The following TIAM2 variants were observed in gnomAD, a reference collection of about 807,000 sequenced individuals.
TIAM2 encodes rho guanine nucleotide exchange factor TIAM2.
Under a neutral mutation model 152.9 loss-of-function variants are expected in TIAM2, and 80 were observed. That is an observed-to-expected ratio of 0.52 (90% CI 0.44 to 0.63). The LOEUF is 0.63. Among genes scored for constraint, TIAM2 ranks in the 30% least tolerant of loss-of-function variants. TIAM2 has a pLI of 0.00. For synonymous variants in TIAM2, 804 were observed against 838.0 expected (o/e 0.96, Z 0.70); for missense variants, 1,965 against 2,120.1 (o/e 0.93, Z 1.44).
At chr6:155,122,381 G>A (rs1014223751) in intron 2 of TIAM2, among the ~76,000 whole-genome samples, 3 of 144,930 alleles carry the variant, frequency 2.1e-5, no homozygotes, top group African/African-American at 5.2e-5. Context: ...TTGGGGATTG[G>A]GAGGGAATGC....
At chr6:155,118,651 T>C (rs1026381599) in intron 2 of TIAM2, among the ~76,000 whole-genome samples, 2 of 152,042 alleles carry the variant, frequency 1.3e-5, no homozygotes, top group African/African-American at 4.8e-5. Flanking sequence ...GCCAGGCTGG[T>C]CTCAAACTCC....
rs1044854565 is a variant in TIAM2, at chr6:155,236,294, G to C, written c.3169-4236G>C. On this transcript the variant is annotated intron_variant, in intron 15 of 26. Coordinates refer to ENST00000682666, the MANE Select transcript of TIAM2 (RefSeq NM_012454.4). ...ACTCCCAGAAATCCAAGCAGAACGC[G>C]AGCTGTATGAAGAGTAGACCAGCAG... Among the ~76,000 whole-genome samples the C allele has an allele frequency of 4.6e-5, 7 of 151,832 alleles. No homozygotes were observed. In the South Asian group the frequency reaches 8.3e-4, roughly 18 times the overall value.
chr6:155,059,801 T>A (rs1244574878), intron 1 of TIAM2, among the ~76,000 whole-genome samples: 33 of 152,294 alleles, frequency 2.2e-4, no homozygotes, highest in South Asian at 4.1e-4. Flanking sequence ...GTGTCAGCCA[T>A]AGTCAAGTCA....
chr6:155,244,866 G>A, intron 18 of TIAM2, 83 bp downstream of exon 18: 1 of 1,449,960 alleles, frequency 6.9e-7, no homozygotes. Context: ...TCATGAGAAA[G>A]AATTTCTTGT....
chr6:155,043,633 CAAAAAAAAAAA>C (rs60093259), intron 1 of TIAM2, among the ~76,000 whole-genome samples: 2 of 50,250 alleles, frequency 4.0e-5, no homozygotes, highest in Admixed American at 2.3e-4. Flanking sequence ...GACCCTGTCT[CAAAAAAAAAAA>C]AAAAAAAAAA....
chr6:155,226,082 T>G (rs764862918), intron 15 of TIAM2, among the ~76,000 whole-genome samples: 9 of 152,184 alleles, frequency 5.9e-5, no homozygotes, highest in Non-Finnish European at 1.3e-4. Flanking sequence ...AAGCCAATAT[T>G]AGAAGAGAAA....
At chr6:155,169,634 G>A (rs1238899892) in intron 9 of TIAM2, among the ~76,000 whole-genome samples, 1 of 152,128 alleles carries the variant, frequency 6.6e-6, no homozygotes, top group East Asian at 1.9e-4. Flanking sequence ...TCCAGGCGCC[G>A]TCAAGGGGAG....
intron 14 of TIAM2, among the ~76,000 whole-genome samples, chr6:155,185,065 A>G (rs1781002893): frequency 6.6e-6 from 1 of 150,708 alleles, no homozygotes; most frequent in Non-Finnish European, 1.5e-5. Flanking sequence ...AGGCTATAAT[A>G]CTTTTGGTAC....
At chr6:155,250,507 G>A in intron 21 of TIAM2, 1 of 1,525,692 alleles carries the variant, frequency 6.6e-7, no homozygotes, top group Non-Finnish European at 8.8e-7. Flanking sequence ...CTTCACTCTG[G>A]CCAGTTTCAA....
In TIAM2 at chr6:155,245,758, T is replaced by TTG. The variant is rs570299418; in HGVS notation, c.3652+28_3652+29insGT. ...TAAGTTGCTTATGCCTTTTATAGTT[T>TTG]TTTTTTTTTTTTGCATTTTTAACTG... On this transcript the variant is annotated intron_variant, in intron 19 of 26. Transcript: ENST00000682666. 311 of 1,430,334 alleles carry TTG rather than the reference T, an allele frequency of 2.2e-4. 2 individuals carry two copies. In the African/African-American group the frequency reaches 3.7e-3, roughly 17 times the overall value. The allele number at this position is 1,430,334 out of a possible 1,614,324, so 88.6% of individuals were successfully genotyped here.
At chr6:155,011,117 A>T (rs1400818517) in intron 1 of TIAM2, among the ~76,000 whole-genome samples, 3 of 152,094 alleles carry the variant, frequency 2.0e-5, no homozygotes, top group East Asian at 1.9e-4. Flanking sequence ...CCTCTGTAAC[A>T]TGGAATGACC....
At chr6:155,102,215 C>G (rs560586371) in intron 2 of TIAM2, among the ~76,000 whole-genome samples, 1 of 152,058 alleles carries the variant, frequency 6.6e-6, no homozygotes, top group African/African-American at 2.4e-5. Flanking sequence ...GTCTTGGACT[C>G]CTGACCTCAA....
Position 155,212,188 on chromosome 6 carries a change from C to T in TIAM2, c.3168+881C>T, listed in dbSNP as rs143820246. Among the ~76,000 whole-genome samples, 9 of 152,246 alleles carry T rather than the reference C, an allele frequency of 5.9e-5. 1 individual carries two copies. In the East Asian group the frequency reaches 7.7e-4, roughly 13 times the overall value. On this transcript the variant is annotated intron_variant, in intron 15 of 26. Transcript: ENST00000682666. The stretch of plus-strand genomic sequence containing the variant: ...TGAATGTTGGTGTAAGAGTTATCTG[C>T]GTGAATCCTTGTTTTCAGGCCAAGG...
At chr6:155,117,620 T>A (rs183136642) in intron 2 of TIAM2, among the ~76,000 whole-genome samples, 1 of 152,302 alleles carries the variant, frequency 6.6e-6, no homozygotes, top group African/African-American at 2.4e-5. Flanking sequence ...TTTTTGTATT[T>A]ATAGTAAAGG....
chr6:155,071,856 A>G (rs544513766), intron 1 of TIAM2, among the ~76,000 whole-genome samples: 1 of 151,488 alleles, frequency 6.6e-6, no homozygotes, highest in South Asian at 2.1e-4. Flanking sequence ...AGATCGCGTC[A>G]CTGCACTCCA....
intron 1 of TIAM2, among the ~76,000 whole-genome samples, chr6:155,029,188 TATACACTGTATGTACTATGTGTTA>T (rs1776730649): frequency 1.9e-5 from 1 of 52,596 alleles, no homozygotes; most frequent in Non-Finnish European, 4.1e-5. Context: ...CTATGTGTTA[TATACACTGTATGTACTATGTGTTA>T]TATACACTAT....
At position 155,171,081 on chromosome 6, in the gene TIAM2, A is replaced by G. The variant is rs548770985; in HGVS notation, c.2361+5672A>G. On this transcript the variant is annotated intron_variant, in intron 9 of 26. Transcript: ENST00000682666. ...GAATACTTGTAACCTGCACAAACCT[A>G]TTTTTATACAATAAGTACATTACGC... Among the ~76,000 whole-genome samples, 295 of 152,294 alleles carry G rather than the reference A, an allele frequency of 1.9e-3. 1 individual carries two copies. The highest frequency in any genetic ancestry group is 6.8e-3 in the African/African-American group (282 of 41,556).
rs376274690 is a variant in TIAM2 at position 155,250,972 on chromosome 6, A to G, written c.4011A>G (p.Pro1337=). 1.1e-5 allele frequency: 18 copies of G among 1,614,012 alleles called. No homozygotes were observed. Among genetic ancestry groups the G allele is most frequent in the Non-Finnish European group, 1.4e-5 (17 of 1,180,020 alleles). Residue 1337 remains proline, a synonymous_variant, in exon 22 of 27, where the codon CCA becomes CCG. Transcript: ENST00000682666. The part of the protein sequence containing the change: ...LMHSTVSWLN[P]FLSLGKARKD... ...ACTCTACGGTTTCCTGGTTGAATCCATTTCTGTCTCTAGGAAAAGCTAGAA... is the reference window on the plus strand; with the variant it reads ...ACTCTACGGTTTCCTGGTTGAATCCGTTTCTGTCTCTAGGAAAAGCTAGAA...
At position 155,129,415 on chromosome 6, in the gene TIAM2, C is replaced by T. The variant is rs1379332040; in HGVS notation, c.192C>T (p.Cys64=). The change falls in exon 4 of 27, where the codon TGC becomes TGT. Residue 64 remains cysteine (C), a synonymous_variant. Coordinates refer to ENST00000682666, the MANE Select transcript of TIAM2 (RefSeq NM_012454.4). This position sits in a 1 kb window ranked among gnomAD's most constrained non-coding sequence, Gnocchi z 4.8. The part of the protein sequence containing the change: ...GYKSRSLARS[C]LSHFKSNQPY... ...AGTCCAGGTCCCTGGCCCGAAGCTGCCTTTCTCACTTTAAGAGTAACCAGC... is the reference window on the plus strand; with the variant it reads ...AGTCCAGGTCCCTGGCCCGAAGCTGTCTTTCTCACTTTAAGAGTAACCAGC... 1 of 1,614,144 alleles carries T rather than the reference C, an allele frequency of 6.2e-7. No individual in the cohort carries two copies.
Sources: allele counts gnomAD v4.1 joint callset (sites outside exome capture counted in the v4.1 genomes callset), GRCh38; gene constraint gnomAD v4.1.1; non-coding constraint Gnocchi (gnomAD v3.1); transcripts MANE v1.5; gene names NCBI Gene and HGNC (gene_info 2026-07-23, HGNC 2026-07-21).